Variants in DNASE1 observed in about 807,000 individuals in gnomAD.
DNASE1 encodes the protein deoxyribonuclease 1, also known as deoxyribonuclease-1.
In DNASE1, 40 loss-of-function variants were observed where a neutral mutation model predicts 33.9. The observed-to-expected ratio is 1.18, with a 90% confidence interval of 0.92 to 1.54. The LOEUF (loss-of-function observed/expected upper bound fraction) is 1.54. Ranked by LOEUF, DNASE1 falls within the 40% of genes most tolerant of loss-of-function variation. DNASE1 has a pLI of 0.00. For synonymous variants in DNASE1, 216 were observed against 160.0 expected (o/e 1.35, Z -2.64); for missense variants, 518 against 372.6 (o/e 1.39, Z -3.21).
downstream of DNASE1, chr16:3,662,058 G>T: frequency 3.1e-6 from 5 of 1,613,486 alleles, no homozygotes; most frequent in Non-Finnish European, 4.2e-6. Flanking sequence ...GCTGCTGCAT[G>T]CGCAGGAAGT....
At chr16:3,641,187 A>C (rs1163608093), upstream of DNASE1, 1 of 379,640 alleles carries the variant, frequency 2.6e-6, no homozygotes, top group Admixed American at 4.5e-5. Flanking sequence ...ACCAGCAGCC[A>C]CCCCTCCATG....
chr16:3,659,832 C>T (rs550427018), downstream of DNASE1: 6 of 152,126 alleles, frequency 3.9e-5, no homozygotes, highest in South Asian at 4.2e-4. Flanking sequence ...CTTGGCTCAC[C>T]GCAGCCTCCT....
chr16:3,628,521 T>G (rs1423993460), intron 1 of DNASE1, among the ~76,000 whole-genome samples: 1 of 152,134 alleles, frequency 6.6e-6, no homozygotes, highest in East Asian at 1.9e-4. Context: ...TCATTCACTA[T>G]TGAGTATGAT....
At chr16:3,662,253 C>A, downstream of DNASE1, 2 of 1,229,108 alleles carry the variant, frequency 1.6e-6, no homozygotes, top group Admixed American at 2.5e-5. Context: ...TCAAGGACTC[C>A]CCTGGACCAG....
At chr16:3,632,586 C>CTT (rs554432843) in intron 1 of DNASE1, among the ~76,000 whole-genome samples, 16 of 141,258 alleles carry the variant, frequency 1.1e-4, no homozygotes, top group South Asian at 2.2e-4. Context: ...TTTTTTCTCT[C>CTT]TTTTTTTTTT....
In DNASE1 at chr16:3,656,335, CCGGACCAA is replaced by C. The variant is rs1355592872; in HGVS notation, c.320+151_320+158del. 2.2e-5 allele frequency: 19 copies of C among 869,218 alleles called. 2 individuals are homozygous for C. The African/African-American group carries it at 3.1e-4, about 14-fold the overall frequency. 53.8% of individuals were successfully genotyped at this position (869,218 alleles called of 1,614,324 possible). A position where few individuals can be genotyped will look rare whatever the true frequency, so the allele number is the denominator to read the frequency against. On this transcript the variant is annotated intron_variant, in intron 4 of 8. Transcript: ENST00000246949. ...GGTGGAGTGAAAACACCCCAAGGTCCCGGACCAATGGGTTGAGCAGGTGCCTGGCTCCC... is the reference window on the plus strand; with the variant it reads ...GGTGGAGTGAAAACACCCCAAGGTCCTGGGTTGAGCAGGTGCCTGGCTCCC...
At chr16:3,647,073 G>C (rs1489852764) in intron 1 of DNASE1, among the ~76,000 whole-genome samples, 1 of 152,162 alleles carries the variant, frequency 6.6e-6, no homozygotes, top group African/African-American at 2.4e-5. Flanking sequence ...GAGGACAGCA[G>C]GGGAGTGTTT....
At chr16:3,637,648 G>T (rs954356401) in intron 1 of DNASE1, among the ~76,000 whole-genome samples, 5 of 152,116 alleles carry the variant, frequency 3.3e-5, no homozygotes, top group African/African-American at 4.8e-5. Context: ...TTCCTTTGAG[G>T]ACAGGCCTTG....
intron 1 of DNASE1, among the ~76,000 whole-genome samples, chr16:3,626,346 A>G (rs2041510516): frequency 6.6e-6 from 1 of 152,218 alleles, no homozygotes; most frequent in African/African-American, 2.4e-5. Flanking sequence ...AAATGAAGAT[A>G]ACTGCTAGAC....
chr16:3,661,893 C>T (rs1270357765), downstream of DNASE1: 14 of 1,455,942 alleles, frequency 9.6e-6, no homozygotes, highest in Non-Finnish European at 1.8e-6. Flanking sequence ...GCCTCACGCA[C>T]TTTTCTTCTG....
rs1200015116 is a variant in DNASE1, at chr16:3,657,036, C to T, written c.474C>T (p.Ala158=). ...TTGCCATTGTTCCCCTGCATGCGGC[C>T]CCGGGGGACGCAGTAGCCGAGATCG... The part of the protein sequence containing the change: ...REFAIVPLHA[A]PGDAVAEIDA... The change falls in exon 6 of 9, where the codon GCC becomes GCT. Residue 158 remains alanine, a synonymous_variant. Transcript: ENST00000246949. 4 of 1,613,740 alleles carry T rather than the reference C, an allele frequency of 2.5e-6. No individual in the cohort carries two copies. Among genetic ancestry groups the T allele is most frequent in the Non-Finnish European group, 3.4e-6 (4 of 1,179,968 alleles).
rs1223597979 is a variant in DNASE1 at position 3,655,749 on chromosome 16, C to G, written c.148-100C>G. On this transcript the variant is annotated intron_variant, in intron 2 of 8. Coordinates refer to ENST00000246949, the MANE Select transcript of DNASE1 (RefSeq NM_005223.4). ...CAGAAACATGAGGCTGCGGTTAAAC[C>G]GAGCAATGCCACGAGCATCAGCTGT... 4 of 1,499,966 alleles carry G rather than the reference C, an allele frequency of 2.7e-6. No individual in the cohort carries two copies. The African/African-American group carries it at 4.1e-5, about 15-fold the overall frequency. The allele number at this position is 1,499,966 out of a possible 1,614,324, so 92.9% of individuals were successfully genotyped here.
intron 7 of DNASE1, 79 bp from the exon 8 acceptor site, chr16:3,657,641 C>CTT (rs2042770197): frequency 2.5e-6 from 4 of 1,578,630 alleles, no homozygotes; most frequent in Non-Finnish European, 3.4e-6. Flanking sequence ...TCCCAGGGCT[C>CTT]TTAGTTTAGT....
chr16:3,657,139 C>G (rs375072190), intron 6 of DNASE1, 28 bp downstream of exon 6: 242 of 1,614,018 alleles, frequency 1.5e-4, no homozygotes, highest in Non-Finnish European at 1.9e-4. Flanking sequence ...GCAGTGGGCA[C>G]CAGCGGCCTC....
intron 1 of DNASE1, among the ~76,000 whole-genome samples, chr16:3,616,058 T>C (rs960191375): frequency 6.6e-6 from 1 of 152,250 alleles, no homozygotes; most frequent in African/African-American, 2.4e-5. Flanking sequence ...TCTAGACTGC[T>C]AAAATTGGTG....
chr16:3,657,253 A>C lies in DNASE1; in HGVS notation c.616A>C (p.Ile206Leu), dbSNP rs770750634. The change falls in exon 7 of 9, where the codon ATC (isoleucine) becomes CTC (leucine). Residue 206 changes from isoleucine (I) to leucine (L), a missense_variant. By Grantham distance (5) the Ile-to-Leu change is conservative (BLOSUM62 2). Transcript: ENST00000246949. ...TGTGAGACCCTCCCAGTGGTCATCC[A>C]TCCGCCTGTGGACAAGCCCCACCTT... ...SYVRPSQWSS[I>L]RLWTSPTFQW... 1 of 1,613,984 alleles carries C rather than the reference A, an allele frequency of 6.2e-7. No homozygotes were observed. The highest frequency in any genetic ancestry group is 8.5e-7 in the Non-Finnish European group (1 of 1,180,018).
rs533554397 is a variant in DNASE1, at chr16:3,643,975, A to G, written c.-86+939A>G. On this transcript the variant is annotated intron_variant, in intron 1 of 9. Coordinates refer to the DNASE1 transcript ENST00000407479. The stretch of plus-strand genomic sequence containing the variant: ...ATGGGGTTTCACCGTGTTAGCCAGG[A>G]TGTGATTTGCCTGCCTCGGCCTCCC... Among the ~76,000 whole-genome samples the G allele has an allele frequency of 3.0e-4, 46 of 151,772 alleles. No homozygotes were observed. The East Asian group carries it at 8.7e-3, about 29-fold the overall frequency.
intron 1 of DNASE1, among the ~76,000 whole-genome samples, chr16:3,644,940 G>A (rs543199806): frequency 3.8e-4 from 57 of 151,858 alleles, no homozygotes; most frequent in Non-Finnish European, 7.5e-4. Flanking sequence ...ACCAGCCTGG[G>A]CAACATGGCA....
chr16:3,636,893 G>A (rs148583060), intron 1 of DNASE1, among the ~76,000 whole-genome samples: 1 of 152,056 alleles, frequency 6.6e-6, no homozygotes, highest in Non-Finnish European at 1.5e-5. Flanking sequence ...GGAGGCCAAC[G>A]CAGGCTGATC....
Sources: allele counts gnomAD v4.1 joint callset (sites outside exome capture counted in the v4.1 genomes callset), GRCh38; gene constraint gnomAD v4.1.1; transcripts MANE v1.5; gene names NCBI Gene and HGNC (gene_info 2026-07-23, HGNC 2026-07-21).